Variants in EML5 observed in about 807,000 individuals in gnomAD.
The protein encoded by EML5 is EMAP like 5.
A neutral mutation model predicts 250.0 loss-of-function variants in EML5; 120 were observed. The observed-to-expected ratio is 0.48, with a 90% CI of 0.41 to 0.56. EML5 has a LOEUF of 0.56. EML5 is among the 20% of genes least tolerant of loss of function. The pLI is 0.00. For synonymous variants in EML5, 771 were observed against 806.5 expected (o/e 0.96, Z 0.75); for missense variants, 2,006 against 2,437.6 (o/e 0.82, Z 3.73).
intron 35 of EML5, chr14:88,625,738 T>C (rs2089843173): frequency 6.6e-6 from 1 of 152,220 alleles, no homozygotes; most frequent in Admixed American, 6.5e-5. Context: ...ATATTAAGAA[T>C]ACCCAAAATG....
chr14:88,621,915 ATAAATACGTGATTCTTAAC>A, intron 37 of EML5: 1 of 456,218 alleles, frequency 2.2e-6, no homozygotes, highest in Non-Finnish European at 4.4e-6. Flanking sequence ...CTGAAAATAC[ATAAATACGTGATTCTTAAC>A]TATAGTCATC....
chr14:88,648,277 A>C (rs2091450144), intron 28 of EML5, among the ~76,000 whole-genome samples: 1 of 152,114 alleles, frequency 6.6e-6, no homozygotes. Context: ...TCTTCTACAT[A>C]AAAAGCCATT....
At chr14:88,621,819 G>A (rs895049424) in intron 37 of EML5, 4 of 447,718 alleles carry the variant, frequency 8.9e-6, no homozygotes, top group Admixed American at 4.9e-5. Context: ...ATATCTATAG[G>A]GCATAGGGTA....
chr14:88,638,672 T>C, intron 32 of EML5, 137 bp downstream of exon 32: 1 of 713,352 alleles, frequency 1.4e-6, no homozygotes, highest in South Asian at 1.8e-5. Flanking sequence ...TATGGTATAA[T>C]TGGGTAGGGC....
intron 7 of EML5, among the ~76,000 whole-genome samples, chr14:88,733,782 C>G (rs1204061889): frequency 6.6e-6 from 1 of 152,166 alleles, no homozygotes; most frequent in East Asian, 1.9e-4. Context: ...CCCCATCTTA[C>G]TTCTTACACT....
chr14:88,736,211 G>A (rs553413705), intron 7 of EML5, among the ~76,000 whole-genome samples, 153 bp downstream of exon 7: 1 of 152,222 alleles, frequency 6.6e-6, no homozygotes, highest in South Asian at 2.1e-4. Flanking sequence ...ATGTTGGCCA[G>A]GATGGTCTCA....
At chr14:88,752,041 A>G (rs1481310975) in intron 2 of EML5, among the ~76,000 whole-genome samples, 1 of 152,176 alleles carries the variant, frequency 6.6e-6, no homozygotes, top group Admixed American at 6.6e-5. Flanking sequence ...ACCTTTAGCT[A>G]TTATGTTTTT....
chr14:88,770,724 T>C (rs2094383070), intron 1 of EML5, among the ~76,000 whole-genome samples: 1 of 152,212 alleles, frequency 6.6e-6, no homozygotes, highest in African/African-American at 2.4e-5. Flanking sequence ...TTCATCCACA[T>C]AATGCCTAGT....
At chr14:88,618,599 A>C in intron 40 of EML5, 51 bp downstream of exon 40, 1 of 1,561,710 alleles carries the variant, frequency 6.4e-7, no homozygotes. Context: ...CTAACACGAA[A>C]TGTAAAAGCA....
intron 35 of EML5, chr14:88,625,369 C>T (rs1031435205): frequency 4.6e-6 from 2 of 435,580 alleles, no homozygotes; most frequent in Non-Finnish European, 8.1e-6. Flanking sequence ...CAATTCTTCC[C>T]TTCCAATTCT....
intron 25 of EML5, 25 bp from the exon 26 acceptor site, chr14:88,658,413 ATCTT>A (rs2091949968): frequency 2.0e-6 from 3 of 1,516,806 alleles, no homozygotes; most frequent in Non-Finnish European, 9.0e-7. Context: ...AATTCAAACA[ATCTT>A]TCTGAGAAAT....
chr14:88,714,727 A>G (rs2093464540), intron 9 of EML5, among the ~76,000 whole-genome samples: 2 of 152,200 alleles, frequency 1.3e-5, no homozygotes, highest in African/African-American at 4.8e-5. Context: ...AAGGATTTCA[A>G]TATAAGGCAG....
chr14:88,661,699 G>A lies in EML5; in HGVS notation c.3630C>T (p.Thr1210=), dbSNP rs373882117. The change falls in exon 25 of 44, where the codon ACC becomes ACT. Residue 1210 remains threonine, a synonymous_variant. Transcript: ENST00000554922. ...ACTTCACAAATCCCAAATCGTCCCC[G>A]GTAGCTAGAACCATTTTGTCACTGG... is the stretch of plus-strand genomic sequence containing the variant. ...CLTSDKMVLA[T]GDDLGFVKLF... The A allele has an allele frequency of 6.8e-5, 109 of 1,613,254 alleles. No homozygotes were observed. Among genetic ancestry groups the A allele is most frequent in the Admixed American group, 2.8e-4 (17 of 59,920 alleles).
chr14:88,759,421 T>C (rs971512795), intron 1 of EML5, among the ~76,000 whole-genome samples: 1 of 152,022 alleles, frequency 6.6e-6, no homozygotes, highest in African/African-American at 2.4e-5. Context: ...TGGTGGCTTG[T>C]GTCTGTAAAC....
intron 40 of EML5, 99 bp downstream of exon 40, chr14:88,618,551 G>A: frequency 7.3e-7 from 1 of 1,375,684 alleles, no homozygotes; most frequent in South Asian, 1.5e-5. Flanking sequence ...GAGTTGAGAA[G>A]CTGGAGCTCT....
At chr14:88,714,827 C>A in intron 9 of EML5, 112 bp downstream of exon 9, 1 of 1,027,204 alleles carries the variant, frequency 9.7e-7, no homozygotes, top group Non-Finnish European at 1.4e-6. Flanking sequence ...GAAATATTAG[C>A]TCAGATCTTC....
intron 21 of EML5, among the ~76,000 whole-genome samples, chr14:88,673,129 A>C (rs538612878): frequency 6.6e-6 from 1 of 152,338 alleles, no homozygotes; most frequent in South Asian, 2.1e-4. Context: ...TATTGATGCA[A>C]AAGTCCTCAA....
Position 88,657,376 on chromosome 14 carries a change from C to T in EML5, c.4004G>A (p.Arg1335Lys), listed in dbSNP as rs1480824062. 1 of 1,558,782 alleles carries T rather than the reference C, an allele frequency of 6.4e-7. No homozygotes were observed. The highest frequency in any genetic ancestry group is 8.7e-7 in the Non-Finnish European group (1 of 1,151,054). The change falls in exon 27 of 44, where the codon AGG becomes AAG. Residue 1335 changes from arginine to lysine, a missense_variant and splice_region_variant. Around this residue, in one of 7 missense-constraint regions of EML5, gnomAD observed 1,375 missense variants for 1,590.3 expected, o/e 0.86. Transcript: ENST00000554922. ...ATCTAATACTAAACTAAATTATTAC[C>T]TTTCATCAATTGAGGGTTCTTTTTG... The part of the protein sequence containing the change: ...LQQKEPSIDE[R>K]QGVVRGSRPP...
chr14:88,743,244 T>C (rs1476241564), intron 4 of EML5, among the ~76,000 whole-genome samples: 2 of 152,036 alleles, frequency 1.3e-5, no homozygotes, highest in African/African-American at 4.8e-5. Context: ...GAATACACAG[T>C]TTCAAATAGC....
Sources: allele counts gnomAD v4.1 joint callset (sites outside exome capture counted in the v4.1 genomes callset), GRCh38; gene constraint gnomAD v4.1.1; regional missense constraint gnomAD v4.1.1; transcripts MANE v1.5; gene names NCBI Gene and HGNC (gene_info 2026-07-23, HGNC 2026-07-21).